The following RALYL variants were observed in gnomAD, a reference collection of about 807,000 sequenced individuals.
RALYL encodes the protein RNA-binding Raly-like protein.
RALYL carries 29 observed loss-of-function variants against 35.1 expected under a neutral mutation model. That is an observed-to-expected ratio of 0.83 (90% confidence interval 0.61 to 1.13). The LOEUF (loss-of-function observed/expected upper bound fraction) is 1.13. RALYL is among the 50% of genes most tolerant of loss of function. The pLI is 0.00. For synonymous variants in RALYL, 120 were observed against 127.6 expected, an observed-to-expected ratio of 0.94 and a Z score of 0.40; for missense variants, 359 against 360.4, an observed-to-expected ratio of 1.00 and a Z score of 0.03.
intron 2 of RALYL, among the ~76,000 whole-genome samples, chr8:84,684,017 G>T (rs529922545): frequency 6.6e-6 from 1 of 152,192 alleles, no homozygotes; most frequent in South Asian, 2.1e-4. Context: ...GTATGTTTTT[G>T]ATCAGAGCAT....
intron 1 of RALYL, among the ~76,000 whole-genome samples, chr8:84,266,237 C>T (rs868646954): frequency 6.6e-6 from 1 of 151,796 alleles, no homozygotes; most frequent in African/African-American, 2.4e-5. Flanking sequence ...TTGCCTGTCT[C>T]ATTCCTCTCA....
intron 3 of RALYL, among the ~76,000 whole-genome samples, chr8:84,782,680 G>C (rs1189683531): frequency 6.6e-6 from 1 of 152,202 alleles, no homozygotes; most frequent in Non-Finnish European, 1.5e-5. Flanking sequence ...TCACTGTGGG[G>C]TATTGCGGTT....
chr8:84,802,014 C>G (rs1221468954), intron 3 of RALYL, among the ~76,000 whole-genome samples: 2 of 152,118 alleles, frequency 1.3e-5, no homozygotes, highest in Non-Finnish European at 2.9e-5. Flanking sequence ...CCAATTCCTT[C>G]CAACAAAATA....
chr8:84,514,796 G>T (rs753287220), intron 1 of RALYL, among the ~76,000 whole-genome samples: 6 of 152,150 alleles, frequency 3.9e-5, no homozygotes, highest in Admixed American at 3.9e-4. Context: ...GTTGTATGTG[G>T]ATTGTTGCTT....
intron 1 of RALYL, among the ~76,000 whole-genome samples, chr8:84,372,889 T>TTTTTTGTTTTGTTTTG (rs1856099815): frequency 9.1e-6 from 1 of 109,604 alleles, no homozygotes; most frequent in Admixed American, 9.0e-5. Flanking sequence ...AGCATCTGTT[T>TTTTTTGTTTTGTTTTG]TTTTTTTTTT....
chr8:84,740,196 G>A (rs1193510748), intron 2 of RALYL, among the ~76,000 whole-genome samples: 1 of 151,892 alleles, frequency 6.6e-6, no homozygotes, highest in South Asian at 2.1e-4. Flanking sequence ...TGTGCATAAC[G>A]TCCAAGAGCT....
chr8:84,765,879 C>T (rs2634053), intron 2 of RALYL, among the ~76,000 whole-genome samples: 40,507 of 150,610 alleles, frequency 0.27, 5,843 homozygotes, highest in African/African-American at 0.35. Flanking sequence ...GTCTTTTAAC[C>T]AATTATTTCA....
chr8:84,469,837 C>T (rs919761068), intron 1 of RALYL, among the ~76,000 whole-genome samples: 4 of 152,154 alleles, frequency 2.6e-5, no homozygotes, highest in Non-Finnish European at 4.4e-5. Context: ...GATATAATCT[C>T]GTGGTGCGCT....
chr8:84,665,015 A>T (rs2085198381), intron 2 of RALYL, among the ~76,000 whole-genome samples: 1 of 152,074 alleles, frequency 6.6e-6, no homozygotes, highest in African/African-American at 2.4e-5. Flanking sequence ...TACCTAGTTT[A>T]CTAAGAGTTT....
intron 1 of RALYL, among the ~76,000 whole-genome samples, chr8:84,460,379 C>A (rs2050623630): frequency 6.6e-6 from 1 of 151,630 alleles, no homozygotes; most frequent in Non-Finnish European, 1.5e-5. Context: ...GAAGGCTGTA[C>A]AGGGTATTTT....
chr8:84,365,932 C>G (rs888876110), intron 1 of RALYL, among the ~76,000 whole-genome samples: 1 of 152,160 alleles, frequency 6.6e-6, no homozygotes, highest in African/African-American at 2.4e-5. Context: ...ACACACTGAC[C>G]GCATGGACAC....
Position 84,349,595 on chromosome 8 carries a change from C to G in RALYL, c.-24+165171C>G, listed in dbSNP as rs749206735. Among the ~76,000 whole-genome samples, 124 of 150,240 alleles carry G rather than the reference C, an allele frequency of 8.3e-4. 12 individuals carry two copies. Among genetic ancestry groups the G allele is most frequent in the African/African-American group, 2.9e-3 (116 of 40,334 alleles). Reference sequence around the variant, plus strand: ...GTCTGCCTTGATATTTTCTCTCCCCCCACCTACCCTTATATTCAGTCATTA... The same window carrying G: ...GTCTGCCTTGATATTTTCTCTCCCCGCACCTACCCTTATATTCAGTCATTA... On this transcript the variant is annotated intron_variant, in intron 1 of 8. Coordinates refer to ENST00000521268, the MANE Select transcript of RALYL (RefSeq NM_173848.7).
At chr8:84,760,522 G>A (rs560471186) in intron 2 of RALYL, among the ~76,000 whole-genome samples, 18 of 152,106 alleles carry the variant, frequency 1.2e-4, no homozygotes, top group African/African-American at 2.4e-4. Context: ...AAATATCAGC[G>A]TATTTCCACA....
chr8:84,524,450 A>G (rs1056069497), intron 1 of RALYL, among the ~76,000 whole-genome samples: 1 of 152,180 alleles, frequency 6.6e-6, no homozygotes, highest in African/African-American at 2.4e-5. Flanking sequence ...GTCAGGAAAC[A>G]ACAGGTGCTG....
intron 1 of RALYL, among the ~76,000 whole-genome samples, chr8:84,321,633 T>A (rs1043058038): frequency 6.6e-6 from 1 of 152,050 alleles, no homozygotes; most frequent in Non-Finnish European, 1.5e-5. Context: ...CTTTTCTTTG[T>A]CACCTAAGCT....
At chr8:84,682,995 C>T (rs1159942563) in intron 2 of RALYL, among the ~76,000 whole-genome samples, 4 of 152,170 alleles carry the variant, frequency 2.6e-5, no homozygotes, top group African/African-American at 9.7e-5. Flanking sequence ...ATAAATTTCC[C>T]TCTACACACT....
chr8:84,605,146 C>T (rs999960640), intron 2 of RALYL, among the ~76,000 whole-genome samples: 4 of 151,882 alleles, frequency 2.6e-5, no homozygotes, highest in African/African-American at 9.7e-5. Flanking sequence ...TTTTTTCTCC[C>T]TTTGAATGTG....
chr8:84,662,094 C>T (rs1438803460), intron 2 of RALYL, among the ~76,000 whole-genome samples: 1 of 152,064 alleles, frequency 6.6e-6, no homozygotes, highest in Non-Finnish European at 1.5e-5. Context: ...AACGTGTGAC[C>T]TCTTTTCTAG....
intron 1 of RALYL, among the ~76,000 whole-genome samples, chr8:84,345,516 C>A (rs541596860): frequency 6.6e-6 from 1 of 152,124 alleles, no homozygotes; most frequent in South Asian, 2.1e-4. Flanking sequence ...ATACATGAGT[C>A]TTTTTATGTA....
Sources: allele counts gnomAD v4.1 joint callset (sites outside exome capture counted in the v4.1 genomes callset), GRCh38; gene constraint gnomAD v4.1.1; transcripts MANE v1.5; gene names NCBI Gene and HGNC (gene_info 2026-07-23, HGNC 2026-07-21).